The following TNIP3 variants were observed in gnomAD, a reference collection of about 807,000 sequenced individuals.
The protein encoded by TNIP3 is TNFAIP3 interacting protein 3.
TNIP3 carries 34 observed loss-of-function variants against 54.1 expected under a neutral mutation model. The observed-to-expected ratio is 0.63, with a 90% CI of 0.48 to 0.84. The LOEUF (loss-of-function observed/expected upper bound fraction) is 0.84. Ranked by LOEUF, TNIP3 falls within the 40% of genes least tolerant of loss-of-function variation. The probability of loss-of-function intolerance (pLI) is 0.00; values close to 1 mark genes in which losing one functional copy is unlikely to be tolerated. For synonymous variants in TNIP3, 134 were observed against 136.8 expected, an observed-to-expected ratio of 0.98 and a Z score of 0.14; for missense variants, 366 against 387.6, an observed-to-expected ratio of 0.94 and a Z score of 0.47.
intron 2 of TNIP3, among the ~76,000 whole-genome samples, chr4:121,189,531 G>A (rs1055478321): frequency 1.3e-5 from 2 of 152,148 alleles, no homozygotes; most frequent in Non-Finnish European, 2.9e-5. Flanking sequence ...GAAGAAACAA[G>A]TGACTCATAA....
intron 2 of TNIP3, among the ~76,000 whole-genome samples, chr4:121,187,566 T>C (rs1725087077): frequency 1.3e-5 from 2 of 152,240 alleles, no homozygotes. Context: ...AGGGCTATGC[T>C]ATTTCCAAAG....
intron 2 of TNIP3, among the ~76,000 whole-genome samples, chr4:121,205,395 A>G (rs1194885890): frequency 6.6e-6 from 1 of 152,100 alleles, no homozygotes; most frequent in Admixed American, 6.6e-5. Flanking sequence ...AGCAGATTAA[A>G]CCAGAAAGGT....
intron 4 of TNIP3, among the ~76,000 whole-genome samples, chr4:121,155,121 C>T (rs904976036): frequency 1.6e-4 from 24 of 152,002 alleles, no homozygotes; most frequent in Admixed American, 1.5e-3. Flanking sequence ...TGCCACCACG[C>T]CCGGCTAATT....
At position 121,142,766 on chromosome 4, in the gene TNIP3, C is replaced by G; in HGVS notation, c.746G>C (p.Cys249Ser). 1 of 1,612,314 alleles carries G rather than the reference C, an allele frequency of 6.2e-7. No homozygotes were observed. Among genetic ancestry groups the G allele is most frequent in the East Asian group, 2.2e-5 (1 of 44,816 alleles). The part of the protein sequence containing the change: ...LNRLNSQIKA[C>S]QMEKEKLEKQ... The stretch of plus-strand genomic sequence containing the variant: ...TTCTAGTTTTTCTTTCTCCATCTGA[C>G]AAGCTTTTATCTAAAGACAAAACAA... The change falls in exon 8 of 11, where the codon TGT (cysteine) becomes TCT (serine). Residue 249 changes from cysteine to serine, a missense_variant. By Grantham distance (112) the Cys-to-Ser change is moderately radical. Transcript: ENST00000057513.
At chr4:121,173,829 C>A (rs1724136067) in intron 3 of TNIP3, among the ~76,000 whole-genome samples, 1 of 152,188 alleles carries the variant, frequency 6.6e-6, no homozygotes, top group African/African-American at 2.4e-5. Context: ...TGGAGCTTCA[C>A]CATGTTGGCC....
chr4:121,154,718 C>A, intron 4 of TNIP3, 39 bp from the exon 5 acceptor site: 3 of 1,555,756 alleles, frequency 1.9e-6, no homozygotes, highest in Non-Finnish European at 2.6e-6. Context: ...AAAGTCAGTA[C>A]AAGTCAAATG....
chr4:121,156,542 T>C (rs186652488), intron 4 of TNIP3, among the ~76,000 whole-genome samples: 1 of 152,274 alleles, frequency 6.6e-6, no homozygotes, highest in East Asian at 1.9e-4. Context: ...ATTTTTAATA[T>C]AGCAAAAATA....
upstream of TNIP3, among the ~76,000 whole-genome samples, chr4:121,166,424 A>T (rs1160851021): frequency 6.6e-6 from 1 of 152,116 alleles, no homozygotes; most frequent in Non-Finnish European, 1.5e-5. Context: ...TCCCTCTCAC[A>T]TTGTGCCACA....
chr4:121,203,382 A>G (rs904501446), intron 2 of TNIP3, among the ~76,000 whole-genome samples: 8 of 152,220 alleles, frequency 5.3e-5, no homozygotes, highest in African/African-American at 1.9e-4. Flanking sequence ...AAAAACAAAC[A>G]TCATATGTTC....
chr4:121,145,846 A>C (rs1729394755), intron 7 of TNIP3, among the ~76,000 whole-genome samples: 1 of 151,824 alleles, frequency 6.6e-6, no homozygotes, highest in Admixed American at 6.6e-5. Context: ...TAAAAGAATA[A>C]AAATACAAAA....
At chr4:121,180,268 C>T (rs558646284) in intron 3 of TNIP3, among the ~76,000 whole-genome samples, 124 of 152,008 alleles carry the variant, frequency 8.2e-4, no homozygotes, top group Middle Eastern at 3.4e-3. Context: ...GATGTGGTGG[C>T]GGGCGCCTGT....
upstream of TNIP3, among the ~76,000 whole-genome samples, chr4:121,216,870 G>A (rs950426918): frequency 2.0e-5 from 3 of 152,192 alleles, no homozygotes; most frequent in South Asian, 2.1e-4. Context: ...CCCAGTCTAG[G>A]AATGAGTTCT....
rs115113178 is a variant in TNIP3 at position 121,183,092 on chromosome 4, G to A, written c.69-296C>T. On this transcript the variant is annotated intron_variant, in intron 2 of 12. Coordinates refer to the TNIP3 transcript ENST00000507879. ...CTCACGGTGAGCCAGGTTCTTTCAC[G>A]CATTTTCTTATTCAATGTGCACAGC... 4.7e-3 allele frequency among the ~76,000 whole-genome samples: 720 copies of A among 152,260 alleles called. 5 individuals carry two copies. The highest frequency in any genetic ancestry group is 9.9e-3 in the Admixed American group (152 of 15,290).
chr4:121,214,577 T>C (rs777193311), intron 2 of TNIP3, among the ~76,000 whole-genome samples: 1 of 152,106 alleles, frequency 6.6e-6, no homozygotes, highest in Non-Finnish European at 1.5e-5. Flanking sequence ...TTAGAAATAA[T>C]AGGTTTCTCC....
intron 1 of TNIP3, among the ~76,000 whole-genome samples, chr4:121,226,509 C>A (rs1352491274): frequency 6.6e-6 from 1 of 152,188 alleles, no homozygotes. Flanking sequence ...CATGCAGTGC[C>A]ACTTGAAAGG....
intron 2 of TNIP3, among the ~76,000 whole-genome samples, chr4:121,196,785 T>C (rs766961721): frequency 3.3e-5 from 5 of 152,064 alleles, no homozygotes; most frequent in Admixed American, 6.5e-5. Flanking sequence ...AATTTCAACG[T>C]AGAAAATTTA....
At chr4:121,138,498 T>G (rs1728919085) in intron 10 of TNIP3, 126 bp downstream of exon 10, 1 of 844,272 alleles carries the variant, frequency 1.2e-6, no homozygotes, top group East Asian at 2.6e-5. Flanking sequence ...ATTAAAGTTA[T>G]GTATGTAACA....
chr4:121,149,339 A>C (rs1315374113), intron 6 of TNIP3, among the ~76,000 whole-genome samples: 1 of 152,234 alleles, frequency 6.6e-6, no homozygotes, highest in Non-Finnish European at 1.5e-5. Context: ...TTCAGTGATT[A>C]TAATAAGTAC....
At chr4:121,152,050 A>G (rs1300585895) in intron 5 of TNIP3, among the ~76,000 whole-genome samples, 4 of 152,206 alleles carry the variant, frequency 2.6e-5, no homozygotes, top group Non-Finnish European at 4.4e-5. Flanking sequence ...ATTTTCTTCA[A>G]TGCAAATAAA....
Sources: gnomAD v4.1 joint callset for allele counts (sites outside exome capture counted in the v4.1 genomes callset) on GRCh38, gnomAD v4.1.1 for gene constraint, MANE v1.5 for transcripts, NCBI Gene and HGNC (gene_info 2026-07-23, HGNC 2026-07-21) for gene names.